LDLRAD4: variants seen among roughly 807,000 people sequenced by gnomAD.
The protein encoded by LDLRAD4 is low density lipoprotein receptor class A domain containing 4, also known as low-density lipoprotein receptor class A domain-containing protein 4.
LDLRAD4 carries 5 observed loss-of-function variants against 17.0 expected under a neutral mutation model. The observed-to-expected ratio is 0.29, with a 90% CI of 0.15 to 0.62. The LOEUF (loss-of-function observed/expected upper bound fraction) is 0.62, where lower values mean the gene tolerates loss of function less well. Among genes scored for constraint, LDLRAD4 ranks in the 20% least tolerant of loss-of-function variants. LDLRAD4 has a pLI of 0.84. For missense variants in LDLRAD4, 340 were observed against 424.7 expected, an observed-to-expected ratio of 0.80 and a Z score of 1.75; for synonymous variants, 168 against 171.8, an observed-to-expected ratio of 0.98 and a Z score of 0.17.
chr18:13,305,246 A>G (rs1293141269), intron 1 of LDLRAD4, among the ~76,000 whole-genome samples: 1 of 152,230 alleles, frequency 6.6e-6, no homozygotes, highest in Non-Finnish European at 1.5e-5. Flanking sequence ...ACACACTTAC[A>G]TATATACATG....
intron 1 of LDLRAD4, chr18:13,240,397 C>T (rs1310690917): frequency 6.6e-6 from 1 of 152,330 alleles, no homozygotes; most frequent in Non-Finnish European, 1.5e-5. Context: ...CTCACAGCCT[C>T]CCCTGGGCCC....
chr18:13,434,387 C>A (rs1254188596), intron 2 of LDLRAD4, among the ~76,000 whole-genome samples: 1 of 151,954 alleles, frequency 6.6e-6, no homozygotes, highest in Non-Finnish European at 1.5e-5. Context: ...TCTATAGCTC[C>A]TGGAGGAGAC....
chr18:13,426,637 G>A (rs2089961538), intron 2 of LDLRAD4, among the ~76,000 whole-genome samples: 1 of 152,160 alleles, frequency 6.6e-6, no homozygotes, highest in Non-Finnish European at 1.5e-5. Flanking sequence ...CCAGCCTTGA[G>A]TGTTATCAGT....
intron 1 of LDLRAD4, among the ~76,000 whole-genome samples, chr18:13,369,411 T>G (rs543715072): frequency 3.3e-5 from 5 of 152,070 alleles, no homozygotes; most frequent in Admixed American, 1.3e-4. Context: ...TTGGCCTCAG[T>G]GGGCTGTTGG....
chr18:13,401,501 G>T (rs967648767), intron 2 of LDLRAD4, among the ~76,000 whole-genome samples: 1 of 152,120 alleles, frequency 6.6e-6, no homozygotes, highest in Admixed American at 6.5e-5. Context: ...ATGTGTTGGT[G>T]TGAGCGTGAG....
chr18:13,266,327 C>T (rs1042839096), intron 1 of LDLRAD4, among the ~76,000 whole-genome samples: 4 of 152,172 alleles, frequency 2.6e-5, no homozygotes, highest in Non-Finnish European at 5.9e-5. Flanking sequence ...GGGAGCTCCT[C>T]GAGGGCAGGG....
intron 3 of LDLRAD4, among the ~76,000 whole-genome samples, chr18:13,540,454 T>C (rs2094261911): frequency 6.6e-6 from 1 of 151,448 alleles, no homozygotes. Context: ...AAATGCATCC[T>C]ATATAACCTT....
intron 1 of LDLRAD4, among the ~76,000 whole-genome samples, chr18:13,311,957 G>A (rs1036171853): frequency 1.3e-5 from 2 of 151,428 alleles, no homozygotes; most frequent in Non-Finnish European, 2.9e-5. Context: ...TCAGCCTCCC[G>A]AGTAGCTGGG....
intron 1 of LDLRAD4, among the ~76,000 whole-genome samples, chr18:13,267,073 A>G (rs1306887485): frequency 1.3e-5 from 2 of 152,264 alleles, no homozygotes; most frequent in Non-Finnish European, 2.9e-5. Context: ...CTCAGACTGC[A>G]CTTGTGAATT....
intron 3 of LDLRAD4, among the ~76,000 whole-genome samples, chr18:13,451,136 T>C (rs117033544): frequency 4.6e-5 from 7 of 152,300 alleles, no homozygotes; most frequent in Non-Finnish European, 1.0e-4. Context: ...GTCACAAAAA[T>C]AGTCTTTGGC....
chr18:13,411,312 T>G (rs1568115181), intron 2 of LDLRAD4, among the ~76,000 whole-genome samples: 1 of 149,412 alleles, frequency 6.7e-6, no homozygotes, highest in Non-Finnish European at 1.5e-5. Flanking sequence ...CAAAATCATC[T>G]TTTGTTAGTA....
intron 2 of LDLRAD4, among the ~76,000 whole-genome samples, chr18:13,393,834 C>T (rs1046843239): frequency 6.6e-6 from 1 of 152,196 alleles, no homozygotes; most frequent in African/African-American, 2.4e-5. Flanking sequence ...GACACAGTGA[C>T]TGTGAGCCCA....
intron 3 of LDLRAD4, among the ~76,000 whole-genome samples, chr18:13,561,214 G>A (rs2094537362): frequency 6.6e-6 from 1 of 152,208 alleles, no homozygotes; most frequent in African/African-American, 2.4e-5. Flanking sequence ...AGCGTGACAT[G>A]AAATGAGTGG....
intron 1 of LDLRAD4, among the ~76,000 whole-genome samples, chr18:13,340,924 G>A (rs1305034013): frequency 1.3e-5 from 2 of 152,056 alleles, no homozygotes; most frequent in Admixed American, 1.3e-4. Context: ...TAGGACAAGG[G>A]TCCAGCTTCA....
chr18:13,382,052 A>C (rs775678288), intron 1 of LDLRAD4, among the ~76,000 whole-genome samples: 1 of 152,230 alleles, frequency 6.6e-6, no homozygotes, highest in African/African-American at 2.4e-5. Context: ...AGCAGTCGCC[A>C]TGGCTGTGGA....
intron 3 of LDLRAD4, among the ~76,000 whole-genome samples, chr18:13,540,010 T>C (rs1438167163): frequency 6.6e-6 from 1 of 152,096 alleles, no homozygotes; most frequent in African/African-American, 2.4e-5. Flanking sequence ...ACCCCCAGGG[T>C]TGGGGCCGAT....
intron 3 of LDLRAD4, among the ~76,000 whole-genome samples, chr18:13,548,274 G>A (rs1324398659): frequency 8.2e-6 from 1 of 121,646 alleles, no homozygotes; most frequent in African/African-American, 3.0e-5. Flanking sequence ...TTCTCACTCT[G>A]GCCAGAAGGT....
upstream of LDLRAD4, among the ~76,000 whole-genome samples, chr18:13,275,949 G>A (rs917464924): frequency 2.0e-5 from 3 of 152,102 alleles, no homozygotes; most frequent in East Asian, 1.9e-4. Context: ...ATGTGTATGC[G>A]TTTAGTATAT....
intron 3 of LDLRAD4, among the ~76,000 whole-genome samples, chr18:13,525,415 A>G (rs555166813): frequency 6.6e-6 from 1 of 152,260 alleles, no homozygotes; most frequent in South Asian, 2.1e-4. Flanking sequence ...TTCAGACCAC[A>G]GAGCTGCTTC....
Sources: allele counts gnomAD v4.1 joint callset (sites outside exome capture counted in the v4.1 genomes callset), GRCh38; gene constraint gnomAD v4.1.1; transcripts MANE v1.5; gene names NCBI Gene and HGNC (gene_info 2026-07-23, HGNC 2026-07-21).